Variants in CAMTA1 observed in about 807,000 individuals in gnomAD.
CAMTA1 encodes the protein calmodulin binding transcription activator 1, also known as calmodulin-binding transcription activator 1.
CAMTA1 carries 27 observed loss-of-function variants against 170.9 expected under a neutral mutation model. The ratio of observed to expected loss-of-function variants is 0.16; its 90% CI spans 0.12 to 0.22. The LOEUF (loss-of-function observed/expected upper bound fraction) is 0.22. Among genes scored for constraint, CAMTA1 ranks in the 10% least tolerant of loss-of-function variants. The pLI is 1.00. For synonymous variants in CAMTA1, 833 were observed against 891.5 expected (o/e 0.93, Z 1.17); for missense variants, 1,619 against 2,217.2 (o/e 0.73, Z 5.42).
chr1:7,108,646 G>A (rs1573117211), intron 4 of CAMTA1, among the ~76,000 whole-genome samples: 1 of 152,186 alleles, frequency 6.6e-6, no homozygotes, highest in East Asian at 1.9e-4. Flanking sequence ...AGGAGATGGT[G>A]GTTAAGAGAG....
intron 3 of CAMTA1, among the ~76,000 whole-genome samples, chr1:7,025,892 A>G (rs1182500622): frequency 6.6e-6 from 1 of 152,140 alleles, no homozygotes; most frequent in Non-Finnish European, 1.5e-5. Flanking sequence ...TGAGGTGAGC[A>G]GATTGCTTGA....
At chr1:7,686,506 G>A (rs1271044112) in intron 11 of CAMTA1, among the ~76,000 whole-genome samples, 1 of 151,852 alleles carries the variant, frequency 6.6e-6, no homozygotes, top group Non-Finnish European at 1.5e-5. Context: ...GGAAGGGGAG[G>A]TGGAGGGGGT....
Position 7,634,866 on chromosome 1 carries a change from C to T in CAMTA1, c.511-5534C>T, listed in dbSNP as rs1370885873. ...TGACGACATTCCAGCTGTTCCGAGG[C>T]CTGACCCTGCTCCCTGCAGCAGCCC... On this transcript the variant is annotated intron_variant, in intron 6 of 22. Transcript: ENST00000303635. The surrounding 1 kb of genome is among the most constrained non-coding windows in gnomAD (Gnocchi z 6.2). Among the ~76,000 whole-genome samples the T allele has an allele frequency of 2.0e-5, 3 of 152,134 alleles. No homozygotes were observed. Among genetic ancestry groups the T allele is most frequent in the Admixed American group, 6.5e-5 (1 of 15,284 alleles).
chr1:6,851,214 A>G (rs1660250807), intron 3 of CAMTA1, among the ~76,000 whole-genome samples: 1 of 152,168 alleles, frequency 6.6e-6, no homozygotes, highest in African/African-American at 2.4e-5. Context: ...AAGAATAGGG[A>G]AATTGGAACC....
chr1:6,872,426 G>C (rs1668670746), intron 3 of CAMTA1, among the ~76,000 whole-genome samples: 1 of 152,046 alleles, frequency 6.6e-6, no homozygotes, highest in Admixed American at 6.6e-5. Context: ...TTCATTTAAG[G>C]ACTAGAAAAA....
At chr1:7,244,662 G>A (rs560153900) in intron 4 of CAMTA1, among the ~76,000 whole-genome samples, 3 of 151,234 alleles carry the variant, frequency 2.0e-5, no homozygotes, top group African/African-American at 7.3e-5. Context: ...AACACCACAT[G>A]TTCTCACTCA....
At chr1:7,185,068 T>C (rs1652972454) in intron 4 of CAMTA1, among the ~76,000 whole-genome samples, 1 of 152,204 alleles carries the variant, frequency 6.6e-6, no homozygotes, top group South Asian at 2.1e-4. Context: ...CATTTTTTCC[T>C]CTCAATCAGT....
intron 6 of CAMTA1, among the ~76,000 whole-genome samples, chr1:7,474,695 C>T (rs917158935): frequency 6.6e-6 from 1 of 152,230 alleles, no homozygotes; most frequent in Non-Finnish European, 1.5e-5. Flanking sequence ...CCTCTCTACC[C>T]TTCATACCAC....
At chr1:7,604,907 C>T (rs1416592579) in intron 6 of CAMTA1, among the ~76,000 whole-genome samples, 1 of 152,174 alleles carries the variant, frequency 6.6e-6, no homozygotes, top group African/African-American at 2.4e-5. Context: ...CAGTCAGGAC[C>T]CTCAGCTGCA....
intron 3 of CAMTA1, among the ~76,000 whole-genome samples, chr1:6,995,290 C>CTTTTTTTTTT (rs1212463100): frequency 2.4e-5 from 2 of 82,278 alleles, no homozygotes; most frequent in African/African-American, 9.7e-5. Flanking sequence ...TCTTTTTTTT[C>CTTTTTTTTTT]TTTTCTTTTT....
intron 11 of CAMTA1, among the ~76,000 whole-genome samples, chr1:7,700,048 A>C (rs2096421743): frequency 6.6e-6 from 1 of 152,036 alleles, no homozygotes; most frequent in Non-Finnish European, 1.5e-5. Flanking sequence ...CAATTTATTT[A>C]TTTTTTCCTT....
intron 3 of CAMTA1, among the ~76,000 whole-genome samples, chr1:6,940,933 G>T: frequency 8.4e-6 from 1 of 118,996 alleles, no homozygotes; most frequent in African/African-American, 3.0e-5. Context: ...ACAGGGAAAG[G>T]GGATCCTCAG....
rs1308713598 is a variant in CAMTA1 at position 7,635,333 on chromosome 1, C to A, written c.511-5067C>A. ...TCCAGAATCAAGGATCCGGGCCGGG[C>A]GTGGTGGCTCACGCCTGTAATCCCA... is the stretch of plus-strand genomic sequence containing the variant. On this transcript the variant is annotated intron_variant, in intron 6 of 22. Coordinates refer to ENST00000303635, the MANE Select transcript of CAMTA1 (RefSeq NM_015215.4). This position sits in a 1 kb window ranked among gnomAD's most constrained non-coding sequence, Gnocchi z 4.4. Among the ~76,000 whole-genome samples the A allele has an allele frequency of 6.6e-6, 1 of 152,112 alleles. No individual in the cohort carries two copies.
chr1:6,932,012 A>C (rs1557847456), intron 3 of CAMTA1, among the ~76,000 whole-genome samples: 1 of 152,202 alleles, frequency 6.6e-6, no homozygotes, highest in East Asian at 1.9e-4. Context: ...TTCACATTGT[A>C]TTCTTTTCTG....
chr1:7,684,983 C>T (rs1224288035), intron 11 of CAMTA1, among the ~76,000 whole-genome samples: 1 of 152,206 alleles, frequency 6.6e-6, no homozygotes, highest in Non-Finnish European at 1.5e-5. Flanking sequence ...GCAGGTTAGG[C>T]TCCGGGGACT....
rs1679191133 is a variant in CAMTA1, at chr1:7,325,867, T to C, written c.438+76241T>C. 6.9e-6 allele frequency among the ~76,000 whole-genome samples: 1 copy of C among 144,916 alleles called. No homozygotes were observed. On this transcript the variant is annotated intron_variant, in intron 5 of 22. Coordinates refer to ENST00000303635, the MANE Select transcript of CAMTA1 (RefSeq NM_015215.4). The surrounding 1 kb of genome is among the most constrained non-coding windows in gnomAD (Gnocchi z 5.0). The stretch of plus-strand genomic sequence containing the variant: ...GTGGGTTTTTTTGTTTGTTTGTTTG[T>C]TTGTTTTATGAGGCAGAGTCTCGCT...
At chr1:7,640,327 G>A (rs568537923) in intron 6 of CAMTA1, 73 bp from the exon 7 acceptor site, 57 of 1,554,420 alleles carry the variant, frequency 3.7e-5, no homozygotes, top group Middle Eastern at 1.7e-4. Flanking sequence ...CTGCACCTGC[G>A]GGGTTGGGGG....
At chr1:7,257,551 C>T (rs1356434738) in intron 5 of CAMTA1, among the ~76,000 whole-genome samples, 1 of 140,244 alleles carries the variant, frequency 7.1e-6, no homozygotes, top group African/African-American at 2.8e-5. Context: ...TCCGAGCTTC[C>T]ACGGCACACC....
intron 3 of CAMTA1, among the ~76,000 whole-genome samples, chr1:6,927,192 T>TATTC (rs71568670): frequency 0.33 from 50,011 of 151,226 alleles, 9,094 homozygotes; most frequent in Non-Finnish European, 0.42. Flanking sequence ...GCCCAGCTAA[T>TATTC]ATTCATTCAT....
Sources: gnomAD v4.1 joint callset for allele counts (sites outside exome capture counted in the v4.1 genomes callset) on GRCh38, gnomAD v4.1.1 for gene constraint, Gnocchi (gnomAD v3.1) non-coding constraint, MANE v1.5 for transcripts, NCBI Gene and HGNC (gene_info 2026-07-23, HGNC 2026-07-21) for gene names.